Variants in DLGAP1 observed in about 807,000 individuals in gnomAD.
DLGAP1 encodes the protein disks large-associated protein 1.
DLGAP1 carries 11 observed loss-of-function variants against 90.8 expected under a neutral mutation model. The observed-to-expected ratio is 0.12, with a 90% CI of 0.08 to 0.20. The LOEUF is 0.20. DLGAP1 is among the 10% of genes least tolerant of loss of function. The pLI, the probability that DLGAP1 is intolerant of heterozygous loss-of-function variation, is 1.00. For synonymous variants in DLGAP1, 558 were observed against 540.7 expected, an observed-to-expected ratio of 1.03 and a Z score of -0.44; for missense variants, 1,050 against 1,333.8, an observed-to-expected ratio of 0.79 and a Z score of 3.31.
intron 5 of DLGAP1, among the ~76,000 whole-genome samples, chr18:3,745,026 T>C (rs1258494511): frequency 2.0e-5 from 3 of 152,366 alleles, no homozygotes; most frequent in South Asian, 4.1e-4. Flanking sequence ...ATACATGCTA[T>C]AATATAGATG....
chr18:4,170,451 G>A (rs1489383348), intron 1 of DLGAP1, among the ~76,000 whole-genome samples: 2 of 152,138 alleles, frequency 1.3e-5, no homozygotes, highest in African/African-American at 4.8e-5. Flanking sequence ...GAAGACAGGT[G>A]AGAATGGGGA....
At chr18:3,544,557 A>G (rs1441478595) in intron 9 of DLGAP1, among the ~76,000 whole-genome samples, 2 of 152,180 alleles carry the variant, frequency 1.3e-5, no homozygotes, top group East Asian at 1.9e-4. Context: ...GGATTTTCCA[A>G]ATATATTTTA....
chr18:4,086,767 T>TCC (rs2075687442), intron 2 of DLGAP1, among the ~76,000 whole-genome samples: 1 of 152,086 alleles, frequency 6.6e-6, no homozygotes, highest in African/African-American at 2.4e-5. Flanking sequence ...ATGTATATTC[T>TCC]TTTTAAGTCA....
At chr18:4,374,350 T>A (rs2081975180) in intron 1 of DLGAP1, among the ~76,000 whole-genome samples, 1 of 152,114 alleles carries the variant, frequency 6.6e-6, no homozygotes, top group Non-Finnish European at 1.5e-5. Flanking sequence ...CAACATTTTT[T>A]AAAAATGCAA....
intron 4 of DLGAP1, among the ~76,000 whole-genome samples, chr18:3,829,919 T>C (rs781614016): frequency 7.9e-5 from 12 of 152,060 alleles, no homozygotes; most frequent in Non-Finnish European, 1.3e-4. Context: ...TCTGAGGCAG[T>C]GGGAGGGAGA....
intron 1 of DLGAP1, among the ~76,000 whole-genome samples, chr18:4,185,214 AT>A (rs2077271571): frequency 6.6e-6 from 1 of 152,038 alleles, no homozygotes; most frequent in Admixed American, 6.6e-5. Flanking sequence ...TAAGACAAGA[AT>A]AAAATTTGGT....
intron 1 of DLGAP1, among the ~76,000 whole-genome samples, chr18:4,300,519 G>GC (rs2080099278): frequency 6.6e-6 from 1 of 151,964 alleles, no homozygotes; most frequent in African/African-American, 2.4e-5. Context: ...AAAAACTCTT[G>GC]CAATACTCTA....
chr18:4,346,847 T>C (rs2081310305), intron 1 of DLGAP1, among the ~76,000 whole-genome samples: 2 of 151,980 alleles, frequency 1.3e-5, no homozygotes, highest in East Asian at 1.9e-4. Flanking sequence ...TAGGAGGAAA[T>C]AATAAAGATT....
chr18:3,581,757 C>T (rs986404939), intron 8 of DLGAP1, 118 bp downstream of exon 8: 17 of 1,318,368 alleles, frequency 1.3e-5, no homozygotes, highest in Non-Finnish European at 1.6e-5. Flanking sequence ...AAAATCTGGT[C>T]CTATGCATAG....
At chr18:4,228,494 C>T (rs142961798) in intron 1 of DLGAP1, among the ~76,000 whole-genome samples, 2 of 151,920 alleles carry the variant, frequency 1.3e-5, no homozygotes, top group Non-Finnish European at 1.5e-5. Flanking sequence ...TCATCCATCA[C>T]GGCCAAGTGA....
chr18:3,568,666 AAT>A (rs2054572922), intron 8 of DLGAP1, among the ~76,000 whole-genome samples: 2 of 151,886 alleles, frequency 1.3e-5, no homozygotes, highest in South Asian at 4.2e-4. Flanking sequence ...TATATGTCTA[AAT>A]ATATATATTT....
intron 3 of DLGAP1, among the ~76,000 whole-genome samples, chr18:3,902,076 G>T (rs2071796383): frequency 6.6e-6 from 1 of 152,186 alleles, no homozygotes; most frequent in South Asian, 2.1e-4. Context: ...TACCAGCATT[G>T]AATTTCACAG....
intron 1 of DLGAP1, among the ~76,000 whole-genome samples, chr18:4,353,714 T>G (rs148818478): frequency 6.6e-6 from 1 of 150,970 alleles, no homozygotes; most frequent in East Asian, 1.9e-4. Flanking sequence ...ACACGATATA[T>G]AAACATATAA....
chr18:3,549,770 TATC>T (rs1174325174), intron 9 of DLGAP1, among the ~76,000 whole-genome samples: 1 of 152,184 alleles, frequency 6.6e-6, no homozygotes, highest in African/African-American at 2.4e-5. Context: ...GACCAGGAAA[TATC>T]ATTCACAACT....
chr18:3,802,818 G>A (rs969958227), intron 5 of DLGAP1, among the ~76,000 whole-genome samples: 1 of 152,162 alleles, frequency 6.6e-6, no homozygotes, highest in African/African-American at 2.4e-5. Context: ...AGAAGTCTTG[G>A]TTGAGAGTGA....
intron 7 of DLGAP1, among the ~76,000 whole-genome samples, chr18:3,624,946 A>G (rs2058236698): frequency 6.6e-6 from 1 of 152,184 alleles, no homozygotes; most frequent in Non-Finnish European, 1.5e-5. Flanking sequence ...TTTCCCGCAG[A>G]TGCTCCCAGA....
intron 5 of DLGAP1, among the ~76,000 whole-genome samples, chr18:3,763,902 T>G (rs948400519): frequency 6.6e-6 from 1 of 152,180 alleles, no homozygotes; most frequent in African/African-American, 2.4e-5. Context: ...CCTCAGGTGA[T>G]CCACCCATCT....
At chr18:4,258,369 G>A (rs961767070) in intron 1 of DLGAP1, among the ~76,000 whole-genome samples, 5 of 151,976 alleles carry the variant, frequency 3.3e-5, no homozygotes, top group Admixed American at 1.3e-4. Context: ...CAACATAGCC[G>A]TCAACACCAC....
At chr18:3,928,901 T>C (rs990656949) in intron 3 of DLGAP1, among the ~76,000 whole-genome samples, 9 of 152,174 alleles carry the variant, frequency 5.9e-5, no homozygotes, top group African/African-American at 1.2e-4. Flanking sequence ...TGGGAGGTGA[T>C]TGGCTTATCG....
Sources: allele counts gnomAD v4.1 joint callset (sites outside exome capture counted in the v4.1 genomes callset), GRCh38; gene constraint gnomAD v4.1.1; transcripts MANE v1.5; gene names NCBI Gene and HGNC (gene_info 2026-07-23, HGNC 2026-07-21).